Variants in SDK2 observed in about 807,000 individuals in gnomAD.
The protein encoded by SDK2 is protein sidekick-2.
SDK2 carries 105 observed loss-of-function variants against 253.9 expected under a neutral mutation model. The ratio of observed to expected loss-of-function variants is 0.41; its 90% CI spans 0.35 to 0.49. SDK2 has a LOEUF of 0.49. Among genes scored for constraint, SDK2 ranks in the 20% least tolerant of loss-of-function variants. The pLI is 0.06. For missense variants in SDK2, 2,608 were observed against 3,003.0 expected (o/e 0.87, Z 3.07); for synonymous variants, 1,249 against 1,234.9 (o/e 1.01, Z -0.24).
chr17:73,492,665 A>G (rs1349373658), intron 2 of SDK2, among the ~76,000 whole-genome samples: 3 of 152,016 alleles, frequency 2.0e-5, no homozygotes, highest in African/African-American at 7.2e-5. Context: ...ATCCCAGCGG[A>G]CTTGGGCGAC....
chr17:73,563,095 C>A (rs1227584026), intron 1 of SDK2, among the ~76,000 whole-genome samples: 6 of 152,206 alleles, frequency 3.9e-5, no homozygotes, highest in African/African-American at 7.2e-5. Context: ...CCATTGCTGG[C>A]GAGGAGGCTT....
intron 3 of SDK2, among the ~76,000 whole-genome samples, chr17:73,466,519 G>T (rs1377198026): frequency 6.6e-6 from 1 of 152,178 alleles, no homozygotes; most frequent in African/African-American, 2.4e-5. Flanking sequence ...GGCAGAAGAA[G>T]GTAGACAGTG....
chr17:73,416,412 G>A (rs774458225), intron 16 of SDK2, among the ~76,000 whole-genome samples: 1 of 151,894 alleles, frequency 6.6e-6, no homozygotes, highest in Non-Finnish European at 1.5e-5. Flanking sequence ...GGCCAGGATG[G>A]TCTCGAACTC....
rs778377174 is a variant in SDK2 at position 73,541,734 on chromosome 17, T to C, written c.65-34137A>G. ...AGAAGGAAGGGGGCGCGGGGCGGAG[T>C]CACGCTGAGTGACAGGAATGTGCAG... On this transcript the variant is annotated intron_variant, in intron 1 of 44. Coordinates refer to ENST00000392650, the MANE Select transcript of SDK2 (RefSeq NM_001144952.2). The surrounding 1 kb of genome is among the most constrained non-coding windows in gnomAD (Gnocchi z 4.3). Among the ~76,000 whole-genome samples, 2 of 151,802 alleles carry C rather than the reference T, an allele frequency of 1.3e-5. No homozygotes were observed. Among genetic ancestry groups the C allele is most frequent in the Non-Finnish European group, 2.9e-5 (2 of 67,970 alleles).
chr17:73,486,729 A>C (rs982151647), intron 2 of SDK2, among the ~76,000 whole-genome samples: 14 of 151,116 alleles, frequency 9.3e-5, no homozygotes, highest in Admixed American at 2.6e-4. Flanking sequence ...GCAGAAGGAG[A>C]GGCCTGGTAG....
rs2062814217 is a variant in SDK2 at position 73,379,636 on chromosome 17, G to C, written c.4763-87C>G. The C allele has an allele frequency of 2.5e-6, 2 of 785,118 alleles. No individual in the cohort carries two copies. Among genetic ancestry groups the C allele is most frequent in the East Asian group, 2.6e-5 (1 of 37,886 alleles). 48.6% of individuals were successfully genotyped at this position (785,118 alleles called of 1,614,324 possible). ...CCCCAGGGAGGGTGGAGGCTGCAGG[G>C]GGAGGAATGAGGCACCCCCGCCATT... On this transcript the variant is annotated intron_variant, in intron 34 of 44. Transcript: ENST00000392650. The surrounding 1 kb of genome is among the most constrained non-coding windows in gnomAD (Gnocchi z 4.5).
At chr17:73,427,830 T>C (rs1012789928) in intron 12 of SDK2, among the ~76,000 whole-genome samples, 16 of 152,114 alleles carry the variant, frequency 1.1e-4, no homozygotes, top group Admixed American at 3.3e-4. Context: ...GCACAATCCA[T>C]GAAAGAAAGA....
At chr17:73,430,129 G>A (rs2145605697) in intron 12 of SDK2, among the ~76,000 whole-genome samples, 1 of 152,306 alleles carries the variant, frequency 6.6e-6, no homozygotes, top group East Asian at 1.9e-4. Context: ...AAAGACTTGG[G>A]GTGGGCTGGG....
chr17:73,620,584 A>T (rs1457152383), intron 1 of SDK2, among the ~76,000 whole-genome samples: 1 of 152,262 alleles, frequency 6.6e-6, no homozygotes, highest in Non-Finnish European at 1.5e-5. Flanking sequence ...ACACCTATTC[A>T]TGCACTGTGA....
chr17:73,626,634 C>G (rs1480693780), intron 1 of SDK2, among the ~76,000 whole-genome samples: 1 of 152,222 alleles, frequency 6.6e-6, no homozygotes, highest in Non-Finnish European at 1.5e-5. Flanking sequence ...TCCTCTGGGC[C>G]ACTGTCCTGT....
At chr17:73,406,139 G>T (rs557952573) in intron 18 of SDK2, among the ~76,000 whole-genome samples, 1 of 152,076 alleles carries the variant, frequency 6.6e-6, no homozygotes, top group Admixed American at 6.5e-5. Context: ...AAAAAACTCT[G>T]TGCATGTTTA....
chr17:73,396,717 C>T (rs1048033082), intron 24 of SDK2, among the ~76,000 whole-genome samples: 6 of 152,262 alleles, frequency 3.9e-5, no homozygotes, highest in Admixed American at 3.9e-4. Flanking sequence ...TCTATTCCCC[C>T]ATGCAGTCCC....
chr17:73,344,870 A>C (rs1286480593), intron 44 of SDK2, among the ~76,000 whole-genome samples: 1 of 152,068 alleles, frequency 6.6e-6, no homozygotes, highest in Non-Finnish European at 1.5e-5. Flanking sequence ...CCAGCTGCAA[A>C]CCTGCACGCT....
chr17:73,442,272 T>C (rs978377185), intron 5 of SDK2, among the ~76,000 whole-genome samples: 6 of 151,814 alleles, frequency 4.0e-5, no homozygotes, highest in Non-Finnish European at 5.9e-5. Context: ...TCCAGGATGG[T>C]GGGAGCCAGA....
At chr17:73,358,976 A>C (rs2062617347) in intron 39 of SDK2, among the ~76,000 whole-genome samples, 3 of 151,884 alleles carry the variant, frequency 2.0e-5, no homozygotes, top group African/African-American at 7.3e-5. Context: ...CAATGAGAGG[A>C]GTGAGCCAGG....
chr17:73,449,922 C>A (rs1316982876), intron 4 of SDK2, among the ~76,000 whole-genome samples: 2 of 151,760 alleles, frequency 1.3e-5, no homozygotes, highest in Non-Finnish European at 2.9e-5. Flanking sequence ...AACTCCATCT[C>A]AAAAAAACAA....
intron 38 of SDK2, among the ~76,000 whole-genome samples, chr17:73,363,146 C>T (rs555650922): frequency 2.2e-4 from 33 of 152,292 alleles, no homozygotes; most frequent in Admixed American, 3.9e-4. Context: ...TGCAATGGCG[C>T]GATCTCAGCT....
rs1353133747 is a variant in SDK2, at chr17:73,512,548, C to CAT, written c.65-4953_65-4952dup. ...CTTTTCTTCACCTCAAACACACACA[C>CAT]ATACACACACACACACACACACACA... On this transcript the variant is annotated intron_variant, in intron 1 of 44. Transcript: ENST00000392650. Among the ~76,000 whole-genome samples the CAT allele has an allele frequency of 1.1e-4, 15 of 137,174 alleles. No homozygotes were observed. In the East Asian group the frequency reaches 2.7e-3, roughly 25 times the overall value. The allele number at this position is 137,174 out of a possible 152,430, so 90.0% of individuals were successfully genotyped here.
intron 1 of SDK2, among the ~76,000 whole-genome samples, chr17:73,547,536 G>C: frequency 6.6e-6 from 1 of 152,156 alleles, no homozygotes; most frequent in Non-Finnish European, 1.5e-5. Flanking sequence ...CGGGGGATGG[G>C]GACAGCGGAG....
Sources: allele counts gnomAD v4.1 joint callset (sites outside exome capture counted in the v4.1 genomes callset), GRCh38; gene constraint gnomAD v4.1.1; non-coding constraint Gnocchi (gnomAD v3.1); transcripts MANE v1.5; gene names NCBI Gene and HGNC (gene_info 2026-07-23, HGNC 2026-07-21).